PSMD9: variants seen among roughly 807,000 people sequenced by gnomAD.
PSMD9 encodes 26S proteasome non-ATPase regulatory subunit 9.
In PSMD9, 26 loss-of-function variants were observed where a neutral mutation model predicts 25.9. The observed-to-expected ratio is 1.00, with a 90% CI of 0.73 to 1.39. The LOEUF (loss-of-function observed/expected upper bound fraction) is 1.39, where lower values mean the gene tolerates loss of function less well. Among genes scored for constraint, PSMD9 ranks in the 40% most tolerant of loss-of-function variants. The probability of loss-of-function intolerance (pLI) is 0.00; values close to 1 mark genes in which losing one functional copy is unlikely to be tolerated. For missense variants in PSMD9, 303 were observed against 299.3 expected (o/e 1.01, Z -0.09); for synonymous variants, 110 against 114.5 (o/e 0.96, Z 0.25).
At chr12:121,913,232 C>T (rs1056696329) in intron 4 of PSMD9, among the ~76,000 whole-genome samples, 3 of 151,892 alleles carry the variant, frequency 2.0e-5, no homozygotes, top group African/African-American at 7.2e-5. Flanking sequence ...GCGTGAGCCA[C>T]CGCGCCTGGC....
At chr12:121,905,298 A>AT (rs1879521648) in intron 4 of PSMD9, among the ~76,000 whole-genome samples, 2 of 143,520 alleles carry the variant, frequency 1.4e-5, no homozygotes, top group African/African-American at 2.6e-5. Context: ...CGGGGGGGCT[A>AT]CTGCAAGCTC....
chr12:121,916,209 T>C, intron 5 of PSMD9, 75 bp from the exon 6 acceptor site: 1 of 1,561,902 alleles, frequency 6.4e-7, no homozygotes. Flanking sequence ...GGTGAAAAGG[T>C]CAGAAGGGCT....
chr12:121,904,629 C>A (rs1048578010), intron 4 of PSMD9, among the ~76,000 whole-genome samples: 1 of 111,666 alleles, frequency 9.0e-6, no homozygotes, highest in Non-Finnish European at 2.0e-5. Flanking sequence ...TTCCTTTAGT[C>A]CATCTGAAAT....
chr12:121,905,523 C>T (rs540260155), intron 4 of PSMD9, among the ~76,000 whole-genome samples: 1 of 148,712 alleles, frequency 6.7e-6, no homozygotes, highest in East Asian at 2.0e-4. Flanking sequence ...CACACCCAGC[C>T]GAGTTTTCTT....
At chr12:121,900,878 G>C (rs527590344) in intron 3 of PSMD9, among the ~76,000 whole-genome samples, 1 of 151,592 alleles carries the variant, frequency 6.6e-6, no homozygotes, top group Non-Finnish European at 1.5e-5. Flanking sequence ...CCAGCTACTC[G>C]GGAGGCTGAG....
intron 3 of PSMD9, chr12:121,902,313 T>G (rs1879423272): frequency 1.3e-5 from 2 of 152,090 alleles, no homozygotes; most frequent in Non-Finnish European, 2.9e-5. Context: ...CCAGGTGGAA[T>G]GGGGTCCTAA....
chr12:121,896,670 C>T (rs994524614), intron 2 of PSMD9, among the ~76,000 whole-genome samples: 1 of 151,500 alleles, frequency 6.6e-6, no homozygotes, highest in Non-Finnish European at 1.5e-5. Context: ...AACCCTGTCT[C>T]TACTAAAAAT....
At chr12:121,906,440 C>G (rs989145823) in intron 4 of PSMD9, among the ~76,000 whole-genome samples, 3 of 151,476 alleles carry the variant, frequency 2.0e-5, no homozygotes, top group African/African-American at 7.3e-5. Flanking sequence ...GAGGCTGAGG[C>G]GGGTGGATCA....
chr12:121,911,659 CTT>C (rs60603408), intron 4 of PSMD9, among the ~76,000 whole-genome samples: 9 of 141,694 alleles, frequency 6.4e-5, no homozygotes, highest in Admixed American at 7.2e-5. Flanking sequence ...AATATATGAA[CTT>C]TTTTTTTTTT....
At chr12:121,893,853 G>T (rs1301346285) in intron 1 of PSMD9, 2 of 152,184 alleles carry the variant, frequency 1.3e-5, no homozygotes, top group East Asian at 3.9e-4. Flanking sequence ...CTGTTTTTGG[G>T]GGCCGCTCTT....
intron 4 of PSMD9, chr12:121,914,210 T>C (rs1259511445): frequency 6.6e-6 from 1 of 152,086 alleles, no homozygotes; most frequent in Non-Finnish European, 1.5e-5. Flanking sequence ...TTGTAATTTT[T>C]TTGGTATGTA....
At chr12:121,915,991 GTTTGTTAAAC>G (rs780286374) in intron 5 of PSMD9, 47 bp downstream of exon 5, 1 of 1,568,946 alleles carries the variant, frequency 6.4e-7, no homozygotes, top group Non-Finnish European at 8.7e-7. Flanking sequence ...TCATTTGAGT[GTTTGTTAAAC>G]ATGAAGCTGG....
chr12:121,897,025 A>C (rs933430763), intron 2 of PSMD9, among the ~76,000 whole-genome samples: 1 of 152,078 alleles, frequency 6.6e-6, no homozygotes, highest in Non-Finnish European at 1.5e-5. Flanking sequence ...TATATATGCA[A>C]AATACACATA....
intron 1 of PSMD9, among the ~76,000 whole-genome samples, chr12:121,892,135 A>G (rs967872687): frequency 6.6e-6 from 1 of 152,184 alleles, no homozygotes; most frequent in Non-Finnish European, 1.5e-5. Context: ...AAATATTTGC[A>G]TATCATTTCT....
intron 4 of PSMD9, among the ~76,000 whole-genome samples, chr12:121,908,708 G>A: frequency 6.6e-6 from 1 of 152,168 alleles, no homozygotes; most frequent in East Asian, 1.9e-4. Flanking sequence ...GAAGCTCAGA[G>A]AGTAAATCAT....
chr12:121,904,263 CTT>C (rs879756888), intron 4 of PSMD9, among the ~76,000 whole-genome samples: 6 of 140,100 alleles, frequency 4.3e-5, no homozygotes, highest in Admixed American at 1.4e-4. Flanking sequence ...TAAAGAAATT[CTT>C]TTTTTTTTTT....
intron 4 of PSMD9, among the ~76,000 whole-genome samples, chr12:121,908,563 T>C (rs1879627622): frequency 6.6e-6 from 1 of 152,168 alleles, no homozygotes; most frequent in South Asian, 2.1e-4. Context: ...GGCGAGGTAC[T>C]GGGGCTGTAA....
rs1487541687 is a variant in PSMD9 at position 121,916,597 on chromosome 12, T to C, written c.*286T>C. 2.3e-6 allele frequency: 1 copy of C among 430,870 alleles called. No individual in the cohort carries two copies. Among genetic ancestry groups the C allele is most frequent in the Non-Finnish European group, 4.2e-6 (1 of 240,090 alleles). The allele number at this position is 430,870 out of a possible 1,614,324, so 26.7% of individuals were successfully genotyped here. ...GAAGTTATTCTGGCAGGTACTGGTG[T>C]GATTATTATTATTATTTTTAATAAA... is the stretch of plus-strand genomic sequence containing the variant. On this transcript the variant is annotated 3_prime_UTR_variant, in exon 6 of 6. Coordinates refer to ENST00000541212, the MANE Select transcript of PSMD9 (RefSeq NM_002813.7).
chr12:121,899,422 G>T, intron 2 of PSMD9: 1 of 573,666 alleles, frequency 1.7e-6, no homozygotes. Flanking sequence ...GCAGTCATCA[G>T]ATGTTATTGT....
Sources: allele counts gnomAD v4.1 joint callset (sites outside exome capture counted in the v4.1 genomes callset), GRCh38; gene constraint gnomAD v4.1.1; transcripts MANE v1.5; gene names NCBI Gene and HGNC (gene_info 2026-07-23, HGNC 2026-07-21).